Variants in CFAP44 observed in about 807,000 individuals in gnomAD.
The protein encoded by CFAP44 is cilia and flagella associated protein 44.
A neutral mutation model predicts 216.2 loss-of-function variants in CFAP44; 134 were observed. That is an observed-to-expected ratio of 0.62 (90% CI 0.54 to 0.72). The LOEUF is 0.72. CFAP44 is among the 30% of genes least tolerant of loss of function. The pLI is 0.00. For missense variants in CFAP44, 2,035 were observed against 2,182.1 expected, an observed-to-expected ratio of 0.93 and a Z score of 1.34; for synonymous variants, 700 against 727.6, an observed-to-expected ratio of 0.96 and a Z score of 0.61.
In CFAP44 at chr3:113,425,033, C is replaced by A. The variant is rs1576606115; in HGVS notation, c.407+1091G>T. Among the ~76,000 whole-genome samples the A allele has an allele frequency of 2.6e-5, 4 of 152,188 alleles. No homozygotes were observed. In the East Asian group the frequency reaches 5.8e-4, roughly 22 times the overall value. On this transcript the variant is annotated intron_variant, in intron 4 of 34. Transcript: ENST00000393845. Reference sequence around the variant, plus strand: ...ACTTCCAGGGGACTCTAATATACCACCCCATCCCATTTGGGAAAAAAAGGC... The same window carrying A: ...ACTTCCAGGGGACTCTAATATACCAACCCATCCCATTTGGGAAAAAAAGGC...
intron 9 of CFAP44, among the ~76,000 whole-genome samples, chr3:113,402,549 T>C (rs1934171432): frequency 6.6e-6 from 1 of 152,180 alleles, no homozygotes; most frequent in East Asian, 1.9e-4. Flanking sequence ...ACTGAGACTT[T>C]GAGAAAGGAA....
Position 113,392,328 on chromosome 3 carries a change from A to C in CFAP44, c.1890+3422T>G, listed in dbSNP as rs6800147. Among the ~76,000 whole-genome samples, 1,221 of 152,032 alleles carry C rather than the reference A, an allele frequency of 8.0e-3. 13 individuals carry two copies. The highest frequency in any genetic ancestry group is 0.014 in the Non-Finnish European group (948 of 67,990). The stretch of plus-strand genomic sequence containing the variant: ...AGACAAACATCACATGGTCTCCCTT[A>C]CTTGTGAGCTAACAATTAAAACAAC... On this transcript the variant is annotated intron_variant, in intron 15 of 34. Coordinates refer to ENST00000393845, the MANE Select transcript of CFAP44 (RefSeq NM_001164496.2).
In CFAP44 at chr3:113,305,145, A is replaced by G. The variant is rs768034781; in HGVS notation, c.4766T>C (p.Ile1589Thr). 2 of 1,537,126 alleles carry G rather than the reference A, an allele frequency of 1.3e-6. No homozygotes were observed. Among genetic ancestry groups the G allele is most frequent in the South Asian group, 2.4e-5 (2 of 84,052 alleles). ...EYDTLSKKVK[I>T]VATNLNAAEE... ...TGCTGCATTCAGATTAGTTGCCACA[A>G]TTTTCACCTGTAGAAAGCCCCGTGT... is the stretch of plus-strand genomic sequence containing the variant. Residue 1589 changes from isoleucine (I) to threonine (T), a missense_variant, in exon 31 of 35, where the codon ATT becomes ACT. Around this residue, in one of 3 missense-constraint regions of CFAP44, gnomAD observed 1,883 missense variants for 2,023.7 expected, o/e 0.93. Coordinates refer to ENST00000393845, the MANE Select transcript of CFAP44 (RefSeq NM_001164496.2).
At chr3:113,361,575 C>A (rs1457046501) in intron 21 of CFAP44, among the ~76,000 whole-genome samples, 2 of 150,202 alleles carry the variant, frequency 1.3e-5, no homozygotes, top group African/African-American at 4.9e-5. Context: ...GCTCACTGCA[C>A]ACTCCACCTC....
At position 113,312,519 on chromosome 3, in the gene CFAP44, G is replaced by A. The variant is rs371295685; in HGVS notation, c.4517-4251C>T. On this transcript the variant is annotated intron_variant, in intron 28 of 34. Transcript: ENST00000393845. ...CTGCAGAAATTTGCATAAGTAAATTGAGGAATGTTAATTCCCCATTGTTGT... is the reference window on the plus strand; with the variant it reads ...CTGCAGAAATTTGCATAAGTAAATTAAGGAATGTTAATTCCCCATTGTTGT... Among the ~76,000 whole-genome samples, 45 of 152,306 alleles carry A rather than the reference G, an allele frequency of 3.0e-4. 1 individual carries two copies. The South Asian group carries it at 8.7e-3, about 29-fold the overall frequency.
At chr3:113,370,993 G>T (rs1188959764) in intron 18 of CFAP44, among the ~76,000 whole-genome samples, 1 of 152,064 alleles carries the variant, frequency 6.6e-6, no homozygotes, top group African/African-American at 2.4e-5. Context: ...GGTACTAAGA[G>T]AATAAAATAC....
chr3:113,379,422 C>T lies in CFAP44; in HGVS notation c.2182G>A (p.Glu728Lys), dbSNP rs1933445198. 6.2e-7 allele frequency: 1 copy of T among 1,612,088 alleles called. No homozygotes were observed. Among genetic ancestry groups the T allele is most frequent in the Non-Finnish European group, 8.5e-7 (1 of 1,178,558 alleles). ...TCTTCCTCCTCCTCCTCCTCTTTCT[C>T]CTCTTCCTCCTCCTGAAATTCTTTT... ...GEKEFQEEEE[E>K]KEEEEEEEEP... is the part of the protein sequence containing the mutation. The change falls in exon 17 of 35, where the codon GAG (glutamate) becomes AAG (lysine). Residue 728 changes from glutamate to lysine, a missense_variant. Coordinates refer to ENST00000393845, the MANE Select transcript of CFAP44 (RefSeq NM_001164496.2).
At chr3:113,322,578 C>A (rs775800881) in intron 28 of CFAP44, among the ~76,000 whole-genome samples, 47 of 151,944 alleles carry the variant, frequency 3.1e-4, no homozygotes, top group Non-Finnish European at 5.4e-4. Flanking sequence ...ATTAAAAAGT[C>A]AAAAAAGAGG....
chr3:113,317,690 G>C (rs1261502742), intron 28 of CFAP44, among the ~76,000 whole-genome samples: 2 of 152,242 alleles, frequency 1.3e-5, no homozygotes, highest in South Asian at 2.1e-4. Flanking sequence ...CAGCACTTGA[G>C]CTGGGGAGGA....
intron 6 of CFAP44, among the ~76,000 whole-genome samples, chr3:113,416,096 T>C (rs1042626166): frequency 6.6e-6 from 1 of 152,184 alleles, no homozygotes; most frequent in Non-Finnish European, 1.5e-5. Context: ...TTGTTCCTGT[T>C]ACCATTATGT....
chr3:113,381,095 G>A, intron 15 of CFAP44, 35 bp from the exon 16 acceptor site: 2 of 1,468,088 alleles, frequency 1.4e-6, no homozygotes, highest in East Asian at 2.4e-5. Flanking sequence ...TTACATTTAG[G>A]CAAATTTTTA....
intron 25 of CFAP44, 51 bp from the exon 26 acceptor site, chr3:113,330,719 C>T (rs1950234487): frequency 1.8e-5 from 27 of 1,476,022 alleles, no homozygotes; most frequent in Non-Finnish European, 2.4e-5. Context: ...TGACAAATAA[C>T]TGTATGGAAT....
At chr3:113,395,667 C>T (rs1576588063) in intron 15 of CFAP44, 83 bp downstream of exon 15, 1 of 1,251,106 alleles carries the variant, frequency 8.0e-7, no homozygotes, top group South Asian at 1.5e-5. Flanking sequence ...GCTAAAAATT[C>T]CACCTGCTAT....
intron 22 of CFAP44, 34 bp from the exon 23 acceptor site, chr3:113,344,746 C>G: frequency 3.4e-6 from 5 of 1,452,832 alleles, no homozygotes; most frequent in Non-Finnish European, 4.5e-6. Context: ...GCAGTAGTCA[C>G]CATTTTGATC....
intron 19 of CFAP44, among the ~76,000 whole-genome samples, chr3:113,364,423 G>T (rs902846982): frequency 4.6e-5 from 7 of 151,982 alleles, no homozygotes; most frequent in Non-Finnish European, 1.0e-4. Context: ...GGAAGTCAAG[G>T]TTTATGACTT....
chr3:113,351,751 T>TA (rs35224239), intron 22 of CFAP44, among the ~76,000 whole-genome samples: 51,074 of 152,036 alleles, frequency 0.34, 9,000 homozygotes, highest in East Asian at 0.57. Flanking sequence ...CTCCCCTTTC[T>TA]GGTCCCGTGA....
intron 28 of CFAP44, among the ~76,000 whole-genome samples, chr3:113,321,218 T>C (rs1383997804): frequency 2.0e-5 from 3 of 152,164 alleles, no homozygotes; most frequent in African/African-American, 7.2e-5. Flanking sequence ...TGGTTCAACA[T>C]ACGTAAATCA....
chr3:113,435,881 G>A (rs932499740), intron 1 of CFAP44, among the ~76,000 whole-genome samples: 6 of 149,330 alleles, frequency 4.0e-5, no homozygotes, highest in Non-Finnish European at 7.4e-5. Flanking sequence ...GTGTGTGTGT[G>A]TGTGTTTTCC....
intron 34 of CFAP44, chr3:113,294,064 G>A (rs1194765976): frequency 2.2e-6 from 1 of 456,582 alleles, no homozygotes; most frequent in Middle Eastern, 3.3e-4. Flanking sequence ...AAGCAAAGAA[G>A]ACCAAGAGAA....
Sources: allele counts gnomAD v4.1 joint callset (sites outside exome capture counted in the v4.1 genomes callset), GRCh38; gene constraint gnomAD v4.1.1; regional missense constraint gnomAD v4.1.1; transcripts MANE v1.5; gene names NCBI Gene and HGNC (gene_info 2026-07-23, HGNC 2026-07-21).